Variants in MTAP observed in about 807,000 individuals in gnomAD.
MTAP encodes the protein S-methyl-5'-thioadenosine phosphorylase.
Under a neutral mutation model 33.6 loss-of-function variants are expected in MTAP, and 33 were observed. The ratio of observed to expected loss-of-function variants is 0.98; its 90% CI spans 0.74 to 1.31. The LOEUF (loss-of-function observed/expected upper bound fraction) is 1.31, where lower values mean the gene tolerates loss of function less well. Among genes scored for constraint, MTAP ranks in the 40% most tolerant of loss-of-function variants. MTAP has a pLI of 0.00. For missense variants in MTAP, 367 were observed against 360.0 expected (o/e 1.02, Z -0.16); for synonymous variants, 148 against 125.7 (o/e 1.18, Z -1.19).
chr9:21,822,886 C>T (rs1587212232), intron 4 of MTAP, among the ~76,000 whole-genome samples: 1 of 152,284 alleles, frequency 6.6e-6, no homozygotes, highest in Middle Eastern at 3.4e-3. Flanking sequence ...TATGTAATGG[C>T]CTTCTTTGTC....
downstream of MTAP, among the ~76,000 whole-genome samples, chr9:21,938,576 A>G (rs974218061): frequency 3.9e-5 from 6 of 152,176 alleles, no homozygotes. Flanking sequence ...TGTTCTGTGA[A>G]CTTCTACAAC....
exon 8 of MTAP, chr9:21,936,915 T>A (rs1047972575): frequency 1.3e-5 from 2 of 152,044 alleles, no homozygotes; most frequent in Non-Finnish European, 2.9e-5. Flanking sequence ...TTGGTCTAGT[T>A]TGGAGGTTAT....
downstream of MTAP, chr9:21,935,584 C>T (rs1213914170): frequency 6.6e-6 from 1 of 152,048 alleles, no homozygotes; most frequent in African/African-American, 2.4e-5. Flanking sequence ...ATCTCATACT[C>T]ATGTCTCTCT....
intron 1 of MTAP, among the ~76,000 whole-genome samples, chr9:21,906,738 A>G (rs1200428998): frequency 6.6e-6 from 1 of 152,256 alleles, no homozygotes; most frequent in African/African-American, 2.4e-5. Flanking sequence ...AGATAAAATG[A>G]TAATGATTAT....
chr9:21,863,139 A>G lies in MTAP; in HGVS notation c.*1125A>G. The G allele has an allele frequency of 2.8e-5, 27 of 972,688 alleles. No homozygotes were observed. Among genetic ancestry groups the G allele is most frequent in the Non-Finnish European group, 3.1e-5 (25 of 818,342 alleles). 60.3% of individuals were successfully genotyped at this position (972,688 alleles called of 1,614,324 possible). A position where few individuals can be genotyped will look rare whatever the true frequency, so the allele number is the denominator to read the frequency against. Reference sequence around the variant, plus strand: ...GCTAGGTGTTTAATAGTTTAACTGAAAGTTTAACTATTTAAAAGACTAAAT... The same window carrying G: ...GCTAGGTGTTTAATAGTTTAACTGAGAGTTTAACTATTTAAAAGACTAAAT... On this transcript the variant is annotated 3_prime_UTR_variant, in exon 8 of 8. Coordinates refer to ENST00000644715, the MANE Select transcript of MTAP (RefSeq NM_002451.4).
downstream of MTAP, among the ~76,000 whole-genome samples, chr9:21,940,124 T>C (rs1017472725): frequency 1.3e-5 from 2 of 152,052 alleles, no homozygotes; most frequent in African/African-American, 4.8e-5. Context: ...CTTAAGGAGA[T>C]TTTAAGAACC....
intron 1 of MTAP, among the ~76,000 whole-genome samples, chr9:21,804,428 G>T (rs187768076): frequency 6.6e-6 from 1 of 152,330 alleles, no homozygotes; most frequent in Admixed American, 6.5e-5. Flanking sequence ...TTTAAGTGCA[G>T]AATGGGCAAT....
At chr9:21,832,458 T>C (rs1159121162) in intron 4 of MTAP, among the ~76,000 whole-genome samples, 2 of 152,262 alleles carry the variant, frequency 1.3e-5, no homozygotes, top group African/African-American at 4.8e-5. Flanking sequence ...TAACCCTTAC[T>C]GTTCTTACTT....
chr9:21,912,787 A>C (rs956621829), intron 1 of MTAP, among the ~76,000 whole-genome samples: 1 of 152,224 alleles, frequency 6.6e-6, no homozygotes, highest in Non-Finnish European at 1.5e-5. Flanking sequence ...GGCCAGGGCA[A>C]TCAGGCAGGA....
chr9:21,906,429 G>A (rs1463015652), intron 1 of MTAP, among the ~76,000 whole-genome samples: 2 of 152,162 alleles, frequency 1.3e-5, no homozygotes, highest in Non-Finnish European at 2.9e-5. Context: ...TAATGGATTT[G>A]AAGAAGTTAC....
rs931779258 is a variant in MTAP, at chr9:21,826,653, A to C, written c.347+8451A>C. 2.1e-5 allele frequency among the ~76,000 whole-genome samples: 3 copies of C among 140,616 alleles called. No homozygotes were observed. The Admixed American group carries it at 2.1e-4, about 10-fold the overall frequency. The allele number at this position is 140,616 out of a possible 152,430, so 92.2% of individuals were successfully genotyped here. On this transcript the variant is annotated intron_variant, in intron 4 of 7. Transcript: ENST00000644715. ...TTATTATTATTATTATTATTATTTA[A>C]CTGCACAAGTAATATATATTGTTCC...
At chr9:21,843,737 A>G (rs6475590) in intron 5 of MTAP, among the ~76,000 whole-genome samples, 18,334 of 152,174 alleles carry the variant, frequency 0.12, 1,764 homozygotes, top group African/African-American at 0.27. Context: ...CCTCTGGGAT[A>G]CAGAAAAAGT....
intron 1 of MTAP, among the ~76,000 whole-genome samples, chr9:21,896,745 C>G (rs1818300811): frequency 6.6e-6 from 1 of 152,024 alleles, no homozygotes; most frequent in Non-Finnish European, 1.5e-5. Flanking sequence ...TAATTAACAC[C>G]CTACCAACCA....
chr9:21,877,189 TA>T (rs1260321956), intron 1 of MTAP, among the ~76,000 whole-genome samples: 1 of 152,180 alleles, frequency 6.6e-6, no homozygotes. Flanking sequence ...GGAATGCTAG[TA>T]ATTTTTGTAC....
At chr9:21,831,816 G>A (rs1420437118) in intron 4 of MTAP, among the ~76,000 whole-genome samples, 1 of 150,940 alleles carries the variant, frequency 6.6e-6, no homozygotes, top group East Asian at 1.9e-4. Context: ...AGAAAAATAT[G>A]ACCAAAAACT....
chr9:21,849,727 C>G (rs1300153005), intron 5 of MTAP, among the ~76,000 whole-genome samples: 3 of 152,188 alleles, frequency 2.0e-5, no homozygotes, highest in Non-Finnish European at 4.4e-5. Flanking sequence ...CTACCACATC[C>G]CCATTTATCT....
At chr9:21,913,888 A>C (rs1181195775) in intron 1 of MTAP, among the ~76,000 whole-genome samples, 1 of 152,238 alleles carries the variant, frequency 6.6e-6, no homozygotes, top group Non-Finnish European at 1.5e-5. Context: ...TCATCTGACA[A>C]AGGGCTAATA....
chr9:21,836,240 C>T (rs1190715479), intron 4 of MTAP, among the ~76,000 whole-genome samples: 1 of 152,044 alleles, frequency 6.6e-6, no homozygotes, highest in African/African-American at 2.4e-5. Context: ...GTCCACATAG[C>T]TAGTAGTTAG....
At chr9:21,861,507 TC>T (rs1825752292) in intron 7 of MTAP, 1 of 155,768 alleles carries the variant, frequency 6.4e-6, no homozygotes, top group South Asian at 2.0e-4. Flanking sequence ...TGTGTATCAT[TC>T]ATTCCCTCAC....
Sources: allele counts gnomAD v4.1 joint callset (sites outside exome capture counted in the v4.1 genomes callset), GRCh38; gene constraint gnomAD v4.1.1; transcripts MANE v1.5; gene names NCBI Gene and HGNC (gene_info 2026-07-23, HGNC 2026-07-21).